GNE: variants seen among roughly 807,000 people sequenced by gnomAD.
The protein encoded by GNE is bifunctional UDP-N-acetylglucosamine 2-epimerase/N-acetylmannosamine kinase.
GNE carries 41 observed loss-of-function variants against 61.8 expected under a neutral mutation model. The observed-to-expected ratio is 0.66, with a 90% CI of 0.52 to 0.86. GNE has a LOEUF of 0.86. GNE is among the 40% of genes least tolerant of loss of function. The probability of loss-of-function intolerance (pLI) is 0.00; values close to 1 mark genes in which losing one functional copy is unlikely to be tolerated. For synonymous variants in GNE, 264 were observed against 326.4 expected, an observed-to-expected ratio of 0.81 and a Z score of 2.06; for missense variants, 608 against 909.1, an observed-to-expected ratio of 0.67 and a Z score of 4.26.
upstream of GNE, chr9:36,263,433 C>G (rs1272175091): frequency 1.3e-5 from 2 of 159,508 alleles, no homozygotes; most frequent in African/African-American, 2.4e-5. Flanking sequence ...GGCCAGGGCC[C>G]GGATTACAGG....
rs1291163446 is a variant in GNE at position 36,217,597 on chromosome 9, C to G, written c.1937G>C (p.Gly646Ala). 1 of 1,602,938 alleles carries G rather than the reference C, an allele frequency of 6.2e-7. No individual in the cohort carries two copies. The highest frequency in any genetic ancestry group is 8.5e-7 in the Non-Finnish European group (1 of 1,169,898). ...CACAACCCCAAGACCCAAAGCTGTT[C>G]CAGCTATAGGGAGACAAAAATTAAA... ...AKAQSILRTA[G>A]TALGLGVVNI... Residue 646 changes from glycine (G) to alanine (A), a missense_variant, in exon 12 of 12, where the codon GGA becomes GCA. Transcript: ENST00000642385.
chr9:36,234,414 TAAAC>T lies in GNE; in HGVS notation c.770-286_770-283del, dbSNP rs1829309370. ...AATGCCCTAGTAAAAGCCTTTACCT[TAAAC>T]AACAATTAAGAGGCTAAAGACAGGC... On this transcript the variant is annotated intron_variant, in intron 4 of 11. Transcript: ENST00000642385. 3.9e-5 allele frequency among the ~76,000 whole-genome samples: 6 copies of T among 152,084 alleles called. No homozygotes were observed. The South Asian group carries it at 1.2e-3, about 32-fold the overall frequency.
At chr9:36,272,269 A>T (rs369490161) in intron 1 of GNE, among the ~76,000 whole-genome samples, 1 of 152,196 alleles carries the variant, frequency 6.6e-6, no homozygotes, top group East Asian at 1.9e-4. Flanking sequence ...ACTTTCCCTC[A>T]CTATAATCGG....
intron 7 of GNE, among the ~76,000 whole-genome samples, chr9:36,224,819 G>A (rs977321421): frequency 2.2e-4 from 34 of 152,226 alleles, no homozygotes; most frequent in African/African-American, 7.9e-4. Flanking sequence ...GCAGTAAGCC[G>A]AGATCATACC....
At chr9:36,274,434 C>T (rs923917540) in intron 1 of GNE, among the ~76,000 whole-genome samples, 2 of 152,040 alleles carry the variant, frequency 1.3e-5, no homozygotes, top group African/African-American at 4.8e-5. Flanking sequence ...GCTTTCCTGG[C>T]CACGTACCCT....
intron 4 of GNE, 78 bp from the exon 5 acceptor site, chr9:36,234,210 G>T: frequency 8.9e-7 from 1 of 1,128,952 alleles, no homozygotes; most frequent in Non-Finnish European, 1.3e-6. Context: ...TATAGCCCAC[G>T]TAAAGAAATC....
chr9:36,273,315 C>T (rs1831115905), intron 1 of GNE, among the ~76,000 whole-genome samples: 1 of 150,634 alleles, frequency 6.6e-6, no homozygotes, highest in Non-Finnish European at 1.5e-5. Context: ...CTCCTGGGTT[C>T]AAGCAATTCT....
chr9:36,247,880 G>C (rs1017512948), intron 2 of GNE, among the ~76,000 whole-genome samples: 1 of 151,784 alleles, frequency 6.6e-6, no homozygotes, highest in African/African-American at 2.4e-5. Context: ...TACAAAATTA[G>C]CCGGGCATGG....
At chr9:36,228,793 CAAAAAAAAA>C (rs71336431) in intron 6 of GNE, among the ~76,000 whole-genome samples, 1 of 72,580 alleles carries the variant, frequency 1.4e-5, no homozygotes, top group Non-Finnish European at 2.8e-5. Flanking sequence ...GAGTCCATCT[CAAAAAAAAA>C]AAAAAAAAAA....
At chr9:36,249,087 TA>T in intron 2 of GNE, 104 bp downstream of exon 2, 1 of 877,156 alleles carries the variant, frequency 1.1e-6, no homozygotes, top group East Asian at 2.5e-5. Flanking sequence ...ACATAAAAAC[TA>T]AGCAGCAGAA....
chr9:36,231,486 T>C (rs4879961), intron 5 of GNE, among the ~76,000 whole-genome samples: 120,889 of 152,162 alleles, frequency 0.79, 48,621 homozygotes, highest in African/African-American at 0.85. Context: ...GACTATATTC[T>C]TCAGCTTGCC....
At chr9:36,271,275 G>A (rs1213616741) in intron 1 of GNE, among the ~76,000 whole-genome samples, 1 of 152,142 alleles carries the variant, frequency 6.6e-6, no homozygotes, top group African/African-American at 2.4e-5. Flanking sequence ...GGTTTCAAAC[G>A]CCATCTCTAT....
chr9:36,276,456 T>C (rs1173586829), intron 1 of GNE, among the ~76,000 whole-genome samples: 1 of 152,148 alleles, frequency 6.6e-6, no homozygotes, highest in African/African-American at 2.4e-5. Flanking sequence ...ATGTGATCAG[T>C]CAATAGTTAA....
chr9:36,272,511 C>G (rs1477451494), intron 1 of GNE, among the ~76,000 whole-genome samples: 2 of 150,304 alleles, frequency 1.3e-5, no homozygotes, highest in East Asian at 3.9e-4. Context: ...GTCCCAGCTA[C>G]TAGGGAGGCT....
intron 5 of GNE, among the ~76,000 whole-genome samples, chr9:36,231,320 A>G (rs971837387): frequency 1.3e-5 from 2 of 152,126 alleles, no homozygotes; most frequent in Admixed American, 6.6e-5. Context: ...TTGTAAAAAC[A>G]TTAGCCAGGC....
intron 3 of GNE, among the ~76,000 whole-genome samples, chr9:36,245,732 TC>T (rs1346720918): frequency 6.6e-6 from 1 of 152,120 alleles, no homozygotes; most frequent in East Asian, 1.9e-4. Flanking sequence ...ATTTTATAGC[TC>T]CCCCTTTTGA....
intron 1 of GNE, among the ~76,000 whole-genome samples, chr9:36,272,611 A>C (rs1391260932): frequency 6.9e-4 from 75 of 109,236 alleles, no homozygotes; most frequent in Non-Finnish European, 1.2e-3. Context: ...ACAGAGCGAG[A>C]CTCCGCCTCA....
At position 36,232,532 on chromosome 9, in the gene GNE, T is replaced by C. The variant is rs901728018; in HGVS notation, c.982+1388A>G. On this transcript the variant is annotated intron_variant, in intron 5 of 11. Coordinates refer to ENST00000642385, the MANE Select transcript of GNE (RefSeq NM_005476.7). ...CTTGCTCACTACTCTACAGCCACAA[T>C]AGCGCTTCCATTTCTCAAATACACC... Among the ~76,000 whole-genome samples the C allele has an allele frequency of 5.9e-5, 9 of 152,234 alleles. No homozygotes were observed. The South Asian group carries it at 8.3e-4, about 14-fold the overall frequency.
At chr9:36,223,296 C>T in intron 8 of GNE, 77 bp downstream of exon 8, 2 of 1,330,032 alleles carry the variant, frequency 1.5e-6, no homozygotes, top group Non-Finnish European at 2.2e-6. Context: ...TGACTTGATG[C>T]TCAGGCATGC....
Sources: allele counts gnomAD v4.1 joint callset (sites outside exome capture counted in the v4.1 genomes callset), GRCh38; gene constraint gnomAD v4.1.1; transcripts MANE v1.5; gene names NCBI Gene and HGNC (gene_info 2026-07-23, HGNC 2026-07-21).